C8orf74: variants seen among roughly 807,000 people sequenced by gnomAD.
C8orf74 encodes the protein uncharacterized protein C8orf74.
C8orf74 carries 29 observed loss-of-function variants against 22.2 expected under a neutral mutation model. That is an observed-to-expected ratio of 1.31 (90% CI 0.97 to 1.78). C8orf74 has a LOEUF of 1.78. Ranked by LOEUF, C8orf74 falls within the 40% of genes most tolerant of loss-of-function variation. C8orf74 has a pLI of 0.00. For synonymous variants in C8orf74, 255 were observed against 163.1 expected, an observed-to-expected ratio of 1.56 and a Z score of -4.30; for missense variants, 515 against 369.9, an observed-to-expected ratio of 1.39 and a Z score of -3.22.
At chr8:10,700,197 C>A in intron 3 of C8orf74, 38 bp from the exon 4 acceptor site, 3 of 1,417,012 alleles carry the variant, frequency 2.1e-6, no homozygotes, top group Admixed American at 1.9e-5. Flanking sequence ...CGGCGAGGCT[C>A]CCCAGCCCTG....
intron 2 of C8orf74, among the ~76,000 whole-genome samples, chr8:10,696,619 T>G (rs1799507303): frequency 6.6e-6 from 1 of 151,922 alleles, no homozygotes; most frequent in South Asian, 2.1e-4. Flanking sequence ...AGCTAATATT[T>G]GTATTTCTAG....
rs908708080 is a variant in C8orf74, at chr8:10,672,743, C to T, written c.48+30C>T. 3.2e-6 allele frequency: 5 copies of T among 1,545,180 alleles called. No homozygotes were observed. In the Admixed American group the frequency reaches 5.9e-5, roughly 18 times the overall value. The stretch of plus-strand genomic sequence containing the variant: ...AGGAAGAGAAAATGTGGCTTTTAAA[C>T]AGAAACTGGCTCATCCTGGGCACAT... On this transcript the variant is annotated intron_variant, in intron 1 of 3. Coordinates refer to ENST00000304519, the MANE Select transcript of C8orf74 (RefSeq NM_001040032.2).
In C8orf74 at chr8:10,700,415, G is replaced by T; in HGVS notation, c.829G>T (p.Glu277Ter). ...PPITSHAGQE[E>*]ALKPQRASKG... Reference sequence around the variant, plus strand: ...CATCACCAGCCACGCAGGCCAGGAGGAAGCCCTGAAGCCCCAAAGAGCGAG... The same window carrying T: ...CATCACCAGCCACGCAGGCCAGGAGTAAGCCCTGAAGCCCCAAAGAGCGAG... The change falls in exon 4 of 4, where the codon GAA (glutamate) becomes TAA (stop). Residue 277 changes from glutamate (E) to a stop codon, truncating the protein, a stop_gained. Coordinates refer to ENST00000304519, the MANE Select transcript of C8orf74 (RefSeq NM_001040032.2). LOFTEE classifies it low-confidence loss of function (END_TRUNC). The T allele has an allele frequency of 6.2e-7, 1 of 1,610,742 alleles. No individual in the cohort carries two copies. Among genetic ancestry groups the T allele is most frequent in the Non-Finnish European group, 8.5e-7 (1 of 1,178,118 alleles).
At chr8:10,677,351 T>C (rs939164155) in intron 2 of C8orf74, among the ~76,000 whole-genome samples, 1 of 152,216 alleles carries the variant, frequency 6.6e-6, no homozygotes, top group Non-Finnish European at 1.5e-5. Context: ...ATCTTTCCAT[T>C]TGGACTAGAC....
At chr8:10,677,252 C>T (rs1799052343) in intron 2 of C8orf74, among the ~76,000 whole-genome samples, 1 of 152,168 alleles carries the variant, frequency 6.6e-6, no homozygotes, top group South Asian at 2.1e-4. Context: ...CAGCTGCCTT[C>T]CGCCCCTCTC....
At chr8:10,692,785 C>G (rs1435147612) in intron 2 of C8orf74, 5 of 152,302 alleles carry the variant, frequency 3.3e-5, no homozygotes, top group Non-Finnish European at 1.5e-5. Flanking sequence ...GCCGCCCATT[C>G]CCTTGTGTCC....
intron 2 of C8orf74, among the ~76,000 whole-genome samples, chr8:10,678,466 G>A (rs564444832): frequency 1.3e-5 from 2 of 152,230 alleles, no homozygotes; most frequent in East Asian, 3.9e-4. Flanking sequence ...GCTTCAGACG[G>A]GCCCTAGCAA....
rs1305878185 is a variant in C8orf74 at position 10,681,770 on chromosome 8, C to T, written c.241+6932C>T. On this transcript the variant is annotated intron_variant, in intron 2 of 3. Transcript: ENST00000304519. ...GAAGAACCTTTGCATATGGCCAGGC[C>T]CGCCAATCCCAGGCCTGGCAGGAGG... Among the ~76,000 whole-genome samples the T allele has an allele frequency of 2.0e-5, 3 of 152,222 alleles. No individual in the cohort carries two copies. The East Asian group carries it at 5.8e-4, about 29-fold the overall frequency.
At chr8:10,673,568 T>A (rs1798961457) in intron 1 of C8orf74, 1 of 153,438 alleles carries the variant, frequency 6.5e-6, no homozygotes, top group African/African-American at 2.4e-5. Context: ...CTCAGGAAAG[T>A]CAAATTTTAT....
intron 2 of C8orf74, among the ~76,000 whole-genome samples, chr8:10,677,921 G>T (rs912446810): frequency 2.0e-5 from 3 of 152,204 alleles, no homozygotes; most frequent in African/African-American, 7.2e-5. Context: ...TACACCTGCA[G>T]GATCTCACAG....
chr8:10,673,026 G>C (rs775631923), intron 1 of C8orf74, among the ~76,000 whole-genome samples: 1 of 152,190 alleles, frequency 6.6e-6, no homozygotes, highest in Non-Finnish European at 1.5e-5. Flanking sequence ...TGCAGGGAGT[G>C]TGTTGGGGGA....
chr8:10,692,560 G>C (rs112003641), intron 2 of C8orf74: 1 of 152,290 alleles, frequency 6.6e-6, no homozygotes, highest in Non-Finnish European at 1.5e-5. Flanking sequence ...CTGTCATCCA[G>C]ACTGGACTGC....
chr8:10,688,740 C>G (rs1423419857), intron 2 of C8orf74: 1 of 152,498 alleles, frequency 6.6e-6, no homozygotes, highest in East Asian at 1.9e-4. Flanking sequence ...TCCTCTTCCC[C>G]CATGGGAGTG....
Position 10,697,656 on chromosome 8 carries a change from G to C in C8orf74, c.299G>C (p.Gly100Ala), listed in dbSNP as rs753617007. Residue 100 changes from glycine to alanine, a missense_variant, in exon 3 of 4, where the codon GGC (glycine) becomes GCC (alanine). Physicochemically the swap from Gly to Ala is moderately conservative, Grantham distance 60 (BLOSUM62 0). Coordinates refer to ENST00000304519, the MANE Select transcript of C8orf74 (RefSeq NM_001040032.2). ...GGGAACAAGCTTAGAGATTACCGGG[G>C]CCATTTCAACACCACCCACCTGCTG... ...ILGNKLRDYR[G>A]HFNTTHLLAL... 6.2e-7 allele frequency: 1 copy of C among 1,613,920 alleles called. No homozygotes were observed. Among genetic ancestry groups the C allele is most frequent in the Non-Finnish European group, 8.5e-7 (1 of 1,179,866 alleles).
chr8:10,684,343 G>C (rs1004146903), intron 2 of C8orf74, among the ~76,000 whole-genome samples: 2 of 152,120 alleles, frequency 1.3e-5, no homozygotes, highest in African/African-American at 4.8e-5. Context: ...GAGAAATGGC[G>C]GCAAGGATCA....
At chr8:10,690,219 G>A (rs994050263) in intron 2 of C8orf74, among the ~76,000 whole-genome samples, 7 of 152,122 alleles carry the variant, frequency 4.6e-5, no homozygotes, top group Non-Finnish European at 7.4e-5. Flanking sequence ...TTTCTCTCCC[G>A]GGAGGAGAGG....
At chr8:10,700,121 G>A (rs752012164) in intron 3 of C8orf74, 114 bp from the exon 4 acceptor site, 2 of 665,194 alleles carry the variant, frequency 3.0e-6, no homozygotes, top group South Asian at 4.7e-5. Flanking sequence ...CCGTGGGCAG[G>A]GTGAGACGGA....
At chr8:10,698,128 G>C in intron 3 of C8orf74, 123 bp downstream of exon 3, 1 of 972,088 alleles carries the variant, frequency 1.0e-6, no homozygotes. Context: ...GATGCAGGGA[G>C]GAATCAAGAG....
At chr8:10,673,309 T>C (rs1332539987) in intron 1 of C8orf74, among the ~76,000 whole-genome samples, 1 of 152,150 alleles carries the variant, frequency 6.6e-6, no homozygotes, top group Non-Finnish European at 1.5e-5. Context: ...CTACATCTGC[T>C]GGGAGCCTAT....
Sources: allele counts gnomAD v4.1 joint callset (sites outside exome capture counted in the v4.1 genomes callset), GRCh38; gene constraint gnomAD v4.1.1; transcripts MANE v1.5; gene names NCBI Gene and HGNC (gene_info 2026-07-23, HGNC 2026-07-21).